PPP1R9A: variants seen among roughly 807,000 people sequenced by gnomAD.
The protein encoded by PPP1R9A is protein phosphatase 1 regulatory subunit 9A, also known as neurabin-1.
In PPP1R9A, 59 loss-of-function variants were observed where a neutral mutation model predicts 141.9. That is an observed-to-expected ratio of 0.42 (90% confidence interval 0.34 to 0.52). PPP1R9A has a LOEUF of 0.52. Among genes scored for constraint, PPP1R9A ranks in the 20% least tolerant of loss-of-function variants. PPP1R9A has a pLI of 0.10. For synonymous variants in PPP1R9A, 500 were observed against 569.7 expected (o/e 0.88, Z 1.74); for missense variants, 1,444 against 1,611.9 (o/e 0.90, Z 1.78).
chr7:95,252,622 C>T (rs1048547028), intron 12 of PPP1R9A, among the ~76,000 whole-genome samples: 1 of 151,922 alleles, frequency 6.6e-6, no homozygotes, highest in Admixed American at 6.6e-5. Context: ...CATGTGCTAC[C>T]ACGTCTGGCT....
chr7:95,119,685 C>T (rs898222700), intron 3 of PPP1R9A, among the ~76,000 whole-genome samples: 4 of 152,052 alleles, frequency 2.6e-5, no homozygotes, highest in African/African-American at 9.7e-5. Flanking sequence ...AACTCCTGGG[C>T]TCAAGGGATT....
chr7:94,948,042 C>G (rs1796078602), intron 2 of PPP1R9A, among the ~76,000 whole-genome samples: 1 of 152,060 alleles, frequency 6.6e-6, no homozygotes, highest in Non-Finnish European at 1.5e-5. Flanking sequence ...GTATACAGTC[C>G]ATCTAGGTCT....
At chr7:95,083,255 A>G (rs1196487821) in intron 2 of PPP1R9A, among the ~76,000 whole-genome samples, 1 of 152,008 alleles carries the variant, frequency 6.6e-6, no homozygotes, top group East Asian at 1.9e-4. Context: ...ACAAAAGGGT[A>G]TGATCTAATG....
chr7:95,030,952 G>A (rs1379791924), intron 2 of PPP1R9A, among the ~76,000 whole-genome samples: 1 of 152,164 alleles, frequency 6.6e-6, no homozygotes, highest in Non-Finnish European at 1.5e-5. Flanking sequence ...GAGTTGTGGG[G>A]AATATAGGGC....
At chr7:95,027,928 G>T (rs1322296634) in intron 2 of PPP1R9A, among the ~76,000 whole-genome samples, 2 of 152,078 alleles carry the variant, frequency 1.3e-5, no homozygotes, top group Non-Finnish European at 2.9e-5. Flanking sequence ...GACTGTATTT[G>T]ATTTATGTAT....
intron 2 of PPP1R9A, among the ~76,000 whole-genome samples, chr7:94,982,951 G>T (rs1461586789): frequency 6.6e-6 from 1 of 152,084 alleles, no homozygotes; most frequent in Non-Finnish European, 1.5e-5. Flanking sequence ...TATGGTTTTA[G>T]GTCTAACATT....
Position 94,910,377 on chromosome 7 carries a change from G to A in PPP1R9A, c.264G>A (p.Arg88=). The A allele has an allele frequency of 6.2e-7, 1 of 1,614,086 alleles. No individual in the cohort carries two copies. Among genetic ancestry groups the A allele is most frequent in the South Asian group, 1.1e-5 (1 of 91,068 alleles). ...NENAAVIAKT[R]GKGGHSSPQR... ...ATGCTGCAGTCATTGCCAAAACAAG[G>A]GGGAAAGGTGGACATTCATCTCCTC... Residue 88 remains arginine (R), a synonymous_variant, in exon 2 of 20, where the codon AGG becomes AGA. Coordinates refer to ENST00000433360, the MANE Select transcript of PPP1R9A (RefSeq NM_001166160.2). The surrounding 1 kb of genome is among the most constrained non-coding windows in gnomAD (Gnocchi z 4.5).
chr7:94,960,835 T>C (rs1797558376), intron 2 of PPP1R9A, among the ~76,000 whole-genome samples: 1 of 151,698 alleles, frequency 6.6e-6, no homozygotes, highest in African/African-American at 2.4e-5. Flanking sequence ...AAAATTAAAA[T>C]TGTGTTCATT....
At chr7:95,077,085 A>G (rs527608779) in intron 2 of PPP1R9A, among the ~76,000 whole-genome samples, 2 of 152,200 alleles carry the variant, frequency 1.3e-5, no homozygotes, top group African/African-American at 4.8e-5. Context: ...CACTTGTGTA[A>G]ATATAGAGTT....
intron 2 of PPP1R9A, among the ~76,000 whole-genome samples, chr7:94,964,183 A>T (rs1797955966): frequency 6.6e-6 from 1 of 152,012 alleles, no homozygotes; most frequent in Non-Finnish European, 1.5e-5. Context: ...TTATTTATCC[A>T]TTTATCAGTT....
chr7:95,183,530 A>G (rs1178311200), intron 5 of PPP1R9A, among the ~76,000 whole-genome samples: 4 of 143,360 alleles, frequency 2.8e-5, no homozygotes, highest in Admixed American at 1.5e-4. Context: ...GGCTCACTGC[A>G]ACCTCTGCCT....
intron 2 of PPP1R9A, among the ~76,000 whole-genome samples, chr7:94,969,387 C>A (rs1011054122): frequency 6.6e-6 from 1 of 152,118 alleles, no homozygotes; most frequent in African/African-American, 2.4e-5. Flanking sequence ...AGTTTTCCTT[C>A]TAACAGTCAG....
intron 5 of PPP1R9A, among the ~76,000 whole-genome samples, chr7:95,192,287 G>A (rs530844911): frequency 8.6e-5 from 13 of 151,982 alleles, no homozygotes; most frequent in South Asian, 2.1e-4. Flanking sequence ...AACAGTGTGC[G>A]TTGTAATCAA....
intron 5 of PPP1R9A, among the ~76,000 whole-genome samples, chr7:95,165,640 A>C (rs1831124923): frequency 6.6e-6 from 1 of 152,202 alleles, no homozygotes; most frequent in Admixed American, 6.5e-5. Context: ...AGCAGCTACA[A>C]CTTACACATA....
chr7:95,012,156 A>G (rs1438979125), intron 2 of PPP1R9A, among the ~76,000 whole-genome samples: 2 of 152,154 alleles, frequency 1.3e-5, no homozygotes, highest in Non-Finnish European at 2.9e-5. Context: ...GTAATTTATA[A>G]AGAAAAGAGG....
At chr7:94,993,202 G>T (rs1376798159) in intron 2 of PPP1R9A, among the ~76,000 whole-genome samples, 1 of 151,516 alleles carries the variant, frequency 6.6e-6, no homozygotes, top group African/African-American at 2.4e-5. Flanking sequence ...TTATATATGT[G>T]TGGGTGCTCT....
At chr7:95,254,193 A>G (rs1165763367) in intron 12 of PPP1R9A, among the ~76,000 whole-genome samples, 1 of 152,178 alleles carries the variant, frequency 6.6e-6, no homozygotes, top group Non-Finnish European at 1.5e-5. Context: ...TGTGCAGTAG[A>G]GGTAGAATCA....
Position 94,910,602 on chromosome 7 carries a change from A to G in PPP1R9A, c.489A>G (p.Lys163=), listed in dbSNP as rs777805708. Residue 163 remains lysine, a synonymous_variant, in exon 2 of 20, where the codon AAA becomes AAG. Transcript: ENST00000433360. This position sits in a 1 kb window ranked among gnomAD's most constrained non-coding sequence, Gnocchi z 4.5. ...AGAACAACCGCTATTCCCCAAAGAA[A>G]GAGAAAGCTGGAGGGAGTGAACCTC... is the stretch of plus-strand genomic sequence containing the variant. ...SGQNNRYSPK[K]EKAGGSEPQD... The G allele has an allele frequency of 6.2e-6, 10 of 1,614,190 alleles. No individual in the cohort carries two copies. The highest frequency in any genetic ancestry group is 8.5e-6 in the Non-Finnish European group (10 of 1,180,036).
At chr7:95,253,862 T>G (rs1435750676) in intron 12 of PPP1R9A, among the ~76,000 whole-genome samples, 1 of 152,074 alleles carries the variant, frequency 6.6e-6, no homozygotes, top group East Asian at 1.9e-4. Context: ...TTATATATAA[T>G]AAATACATAT....
Sources: allele counts gnomAD v4.1 joint callset (sites outside exome capture counted in the v4.1 genomes callset), GRCh38; gene constraint gnomAD v4.1.1; non-coding constraint Gnocchi (gnomAD v3.1); transcripts MANE v1.5; gene names NCBI Gene and HGNC (gene_info 2026-07-23, HGNC 2026-07-21).